MYO16: variants seen among roughly 807,000 people sequenced by gnomAD.
MYO16 encodes unconventional myosin-XVI.
Under a neutral mutation model 205.3 loss-of-function variants are expected in MYO16, and 94 were observed. That is an observed-to-expected ratio of 0.46 (90% CI 0.39 to 0.54). The LOEUF is 0.54. Ranked by LOEUF, MYO16 falls within the 20% of genes least tolerant of loss-of-function variation. The pLI is 0.00. For missense variants in MYO16, 2,315 were observed against 2,387.5 expected, an observed-to-expected ratio of 0.97 and a Z score of 0.63; for synonymous variants, 988 against 954.0, an observed-to-expected ratio of 1.04 and a Z score of -0.66.
intron 27 of MYO16, among the ~76,000 whole-genome samples, chr13:109,063,245 G>A (rs1887644834): frequency 6.6e-6 from 1 of 152,024 alleles, no homozygotes; most frequent in Non-Finnish European, 1.5e-5. Context: ...TAGTTGAGAG[G>A]ATACTATTTT....
chr13:108,940,873 AT>A (rs1294061533), intron 16 of MYO16, among the ~76,000 whole-genome samples: 4 of 152,258 alleles, frequency 2.6e-5, no homozygotes, highest in African/African-American at 9.6e-5. Context: ...AGTTTACTGT[AT>A]GTATGCATAA....
At chr13:108,628,064 G>A (rs192745271), upstream of MYO16, among the ~76,000 whole-genome samples, 390 of 152,238 alleles carry the variant, frequency 2.6e-3, 2 homozygotes, top group African/African-American at 8.9e-3. Flanking sequence ...TTTACTTCCC[G>A]TGTTGGAAAC....
chr13:109,041,179 A>T (rs1460206616), intron 23 of MYO16, among the ~76,000 whole-genome samples: 1 of 152,200 alleles, frequency 6.6e-6, no homozygotes, highest in Admixed American at 6.5e-5. Context: ...GGCGAAAACC[A>T]CAAAATTCTG....
At chr13:108,679,729 T>A (rs1438444693) in intron 2 of MYO16, among the ~76,000 whole-genome samples, 17 of 147,714 alleles carry the variant, frequency 1.2e-4, no homozygotes, top group South Asian at 4.2e-4. Context: ...AAAATAATAA[T>A]AATAATAATA....
chr13:108,547,690 G>C, the MYO16 span, among the ~76,000 whole-genome samples: 1 of 152,222 alleles, frequency 6.6e-6, no homozygotes, highest in East Asian at 1.9e-4. Context: ...AAATAAAAAT[G>C]GTGGATGAGA....
chr13:108,932,190 G>C (rs1001372818), intron 16 of MYO16, among the ~76,000 whole-genome samples: 1 of 152,112 alleles, frequency 6.6e-6, no homozygotes, highest in African/African-American at 2.4e-5. Context: ...CTCAAATACT[G>C]TTTCTTGTTC....
intron 13 of MYO16, among the ~76,000 whole-genome samples, chr13:108,887,615 G>A (rs1458248778): frequency 6.6e-6 from 1 of 152,130 alleles, no homozygotes; most frequent in Non-Finnish European, 1.5e-5. Flanking sequence ...TGTATTAAAA[G>A]TGATGCCCTT....
chr13:109,123,845 C>A (rs1271958899), intron 29 of MYO16, among the ~76,000 whole-genome samples: 3 of 152,160 alleles, frequency 2.0e-5, no homozygotes, highest in Non-Finnish European at 4.4e-5. Context: ...TATTTTATAA[C>A]CATGAACTAT....
chr13:108,703,884 A>C (rs940594564), intron 2 of MYO16, among the ~76,000 whole-genome samples: 2 of 152,186 alleles, frequency 1.3e-5, no homozygotes. Context: ...ATTTGGGAAC[A>C]GGGCATTTAA....
At chr13:108,585,706 C>T in the MYO16 span, among the ~76,000 whole-genome samples, 1 of 151,990 alleles carries the variant, frequency 6.6e-6, no homozygotes, top group Non-Finnish European at 1.5e-5. Context: ...TAATGTCATG[C>T]CAGAGTCAGA....
At chr13:109,037,203 G>A (rs1043410484) in intron 23 of MYO16, among the ~76,000 whole-genome samples, 2 of 152,212 alleles carry the variant, frequency 1.3e-5, no homozygotes, top group Non-Finnish European at 1.5e-5. Flanking sequence ...GAGGCCACTG[G>A]CCTTGTCTGC....
the MYO16 span, among the ~76,000 whole-genome samples, chr13:108,586,441 A>T: frequency 6.6e-6 from 1 of 152,140 alleles, no homozygotes; most frequent in African/African-American, 2.4e-5. Context: ...CTGAAGGTCC[A>T]TTTGGTAGGC....
At chr13:108,886,485 T>C (rs1566391235) in intron 13 of MYO16, 1 of 456,148 alleles carries the variant, frequency 2.2e-6, no homozygotes, top group Non-Finnish European at 4.4e-6. Context: ...GAATTTATTA[T>C]GCGAAAGGGA....
At chr13:108,524,451 C>G in the MYO16 span, among the ~76,000 whole-genome samples, 2 of 152,230 alleles carry the variant, frequency 1.3e-5, no homozygotes, top group African/African-American at 4.8e-5. Flanking sequence ...CTTGAAGCTT[C>G]ACCAGAAGCT....
chr13:108,714,621 T>C (rs74763571), intron 3 of MYO16, among the ~76,000 whole-genome samples: 1 of 140,808 alleles, frequency 7.1e-6, no homozygotes. Context: ...TGTATATATA[T>C]AGAGAGAGAG....
intron 16 of MYO16, among the ~76,000 whole-genome samples, chr13:108,924,417 C>T (rs564015698): frequency 7.9e-5 from 12 of 152,198 alleles, no homozygotes; most frequent in Admixed American, 3.9e-4. Flanking sequence ...GTACAACCTG[C>T]TGAGCAATCA....
rs1184401918 is a variant in MYO16 at position 109,201,711 on chromosome 13, G to A, written c.5416-4898G>A. 3.9e-5 allele frequency among the ~76,000 whole-genome samples: 6 copies of A among 152,088 alleles called. No homozygotes were observed. The East Asian group carries it at 7.7e-4, about 20-fold the overall frequency. On this transcript the variant is annotated intron_variant, in intron 34 of 34. Coordinates refer to ENST00000457511, the MANE Select transcript of MYO16 (RefSeq NM_001198950.3). The stretch of plus-strand genomic sequence containing the variant: ...TTGATGCACCCATCACCCAAGCAGT[G>A]TACACTGAACCCAATTTGTAGTCTT...
chr13:109,037,667 C>T lies in MYO16; in HGVS notation c.2797-9249C>T, dbSNP rs771983323. On this transcript the variant is annotated intron_variant, in intron 23 of 34. Coordinates refer to ENST00000457511, the MANE Select transcript of MYO16 (RefSeq NM_001198950.3). ...ATTTATCTCCAAAGCCACCGAGAGA[C>T]ACACAGAGAGAGAGAGAGAAAGAAT... 2.6e-5 allele frequency among the ~76,000 whole-genome samples: 4 copies of T among 151,024 alleles called. No homozygotes were observed. In the East Asian group the frequency reaches 7.7e-4, roughly 29 times the overall value.
intron 33 of MYO16, among the ~76,000 whole-genome samples, chr13:109,171,161 G>A (rs1357909627): frequency 6.6e-6 from 1 of 152,194 alleles, no homozygotes; most frequent in African/African-American, 2.4e-5. Context: ...TTGAAACAAT[G>A]TTGTTTGTTA....
Sources: allele counts gnomAD v4.1 joint callset (sites outside exome capture counted in the v4.1 genomes callset), GRCh38; gene constraint gnomAD v4.1.1; transcripts MANE v1.5; gene names NCBI Gene and HGNC (gene_info 2026-07-23, HGNC 2026-07-21).